SGCZ: variants seen among roughly 807,000 people sequenced by gnomAD.
The protein encoded by SGCZ is sarcoglycan zeta.
In SGCZ, 40 loss-of-function variants were observed where a neutral mutation model predicts 41.3. The ratio of observed to expected loss-of-function variants is 0.97; its 90% confidence interval spans 0.75 to 1.26. The LOEUF (loss-of-function observed/expected upper bound fraction) is 1.26, where lower values mean the gene tolerates loss of function less well. SGCZ is among the 50% of genes most tolerant of loss of function. SGCZ has a pLI of 0.00. For missense variants in SGCZ, 552 were observed against 369.8 expected, an observed-to-expected ratio of 1.49 and a Z score of -4.04; for synonymous variants, 206 against 137.5, an observed-to-expected ratio of 1.50 and a Z score of -3.49.
rs2116989147 is a variant in SGCZ, at chr8:14,104,148, C to G, written c.621-1649G>C. ...AAAAAGCCTGTTGAAAAAGGAAACC[C>G]AAGTTTATTGGTACTACTTGTGGAT... On this transcript the variant is annotated intron_variant, in intron 6 of 7. Coordinates refer to ENST00000382080, the MANE Select transcript of SGCZ (RefSeq NM_139167.4). Among the ~76,000 whole-genome samples, 4 of 152,166 alleles carry G rather than the reference C, an allele frequency of 2.6e-5. 1 individual carries two copies. In the South Asian group the frequency reaches 8.3e-4, roughly 32 times the overall value.
chr8:14,955,933 T>C (rs1800776676), intron 1 of SGCZ, among the ~76,000 whole-genome samples: 2 of 152,134 alleles, frequency 1.3e-5, no homozygotes, highest in Admixed American at 1.3e-4. Context: ...TTTTGCTGCA[T>C]AGTTAGAGAT....
intron 2 of SGCZ, among the ~76,000 whole-genome samples, chr8:14,526,351 C>T (rs1802949687): frequency 6.6e-6 from 1 of 152,186 alleles, no homozygotes; most frequent in Admixed American, 6.5e-5. Flanking sequence ...AGTCAGAGTT[C>T]TTTTCTATTT....
intron 5 of SGCZ, among the ~76,000 whole-genome samples, chr8:14,135,777 A>G (rs1803177992): frequency 6.6e-6 from 1 of 152,212 alleles, no homozygotes; most frequent in Admixed American, 6.5e-5. Context: ...AGAAGAGGAT[A>G]AAATACTAAC....
chr8:14,989,505 A>C (rs1260910996), intron 1 of SGCZ, among the ~76,000 whole-genome samples: 1 of 152,136 alleles, frequency 6.6e-6, no homozygotes, highest in Non-Finnish European at 1.5e-5. Flanking sequence ...ATAGTAAAAA[A>C]ATAAAGATAA....
intron 1 of SGCZ, among the ~76,000 whole-genome samples, chr8:14,816,822 C>G (rs1801915528): frequency 6.6e-6 from 1 of 152,020 alleles, no homozygotes; most frequent in Admixed American, 6.6e-5. Flanking sequence ...ATTCAATTAC[C>G]AAAATGCACC....
At chr8:14,333,493 A>T (rs1802406893) in intron 2 of SGCZ, among the ~76,000 whole-genome samples, 1 of 152,162 alleles carries the variant, frequency 6.6e-6, no homozygotes, top group African/African-American at 2.4e-5. Context: ...ACTGTGCTTA[A>T]TAGAATACCA....
chr8:14,679,901 T>A (rs11988305), intron 1 of SGCZ, among the ~76,000 whole-genome samples: 8 of 151,840 alleles, frequency 5.3e-5, no homozygotes, highest in Non-Finnish European at 8.8e-5. Flanking sequence ...TTTTTAACTT[T>A]AAATAATTTT....
chr8:15,022,237 A>C (rs74303182), intron 1 of SGCZ, among the ~76,000 whole-genome samples: 1 of 152,228 alleles, frequency 6.6e-6, no homozygotes, highest in East Asian at 1.9e-4. Context: ...AAATTCAGTG[A>C]GGTAGGTGAA....
At chr8:14,153,850 T>G (rs1454278440) in intron 5 of SGCZ, among the ~76,000 whole-genome samples, 1 of 152,054 alleles carries the variant, frequency 6.6e-6, no homozygotes, top group Non-Finnish European at 1.5e-5. Flanking sequence ...GTCCTCTTGA[T>G]GAGATTAGTG....
chr8:14,675,916 C>T (rs949034686), intron 1 of SGCZ, among the ~76,000 whole-genome samples: 1 of 152,084 alleles, frequency 6.6e-6, no homozygotes, highest in African/African-American at 2.4e-5. Flanking sequence ...GTCAGGGAGG[C>T]TAAGGTGGTG....
At chr8:14,550,426 G>A (rs1824596) in intron 2 of SGCZ, among the ~76,000 whole-genome samples, 5,943 of 151,224 alleles carry the variant, frequency 0.039, 167 homozygotes, top group South Asian at 0.13. Context: ...AAGTATTCAG[G>A]ATTGTGGTTA....
chr8:14,370,526 T>C (rs996854084), intron 2 of SGCZ, among the ~76,000 whole-genome samples: 3 of 151,980 alleles, frequency 2.0e-5, no homozygotes, highest in Non-Finnish European at 2.9e-5. Context: ...ACACAACTGG[T>C]AAACAGATTT....
intron 1 of SGCZ, among the ~76,000 whole-genome samples, chr8:15,082,397 C>A (rs1490492684): frequency 6.7e-6 from 1 of 148,430 alleles, no homozygotes; most frequent in African/African-American, 2.5e-5. Context: ...TATATATATA[C>A]ACACATATAC....
At chr8:14,583,249 C>G (rs1804952901) in intron 1 of SGCZ, among the ~76,000 whole-genome samples, 1 of 151,406 alleles carries the variant, frequency 6.6e-6, no homozygotes, top group Non-Finnish European at 1.5e-5. Context: ...GTGCATTTCT[C>G]TGATGGCCAG....
chr8:14,324,717 T>C (rs1244748000), intron 2 of SGCZ, among the ~76,000 whole-genome samples: 2 of 152,112 alleles, frequency 1.3e-5, no homozygotes, highest in Non-Finnish European at 2.9e-5. Flanking sequence ...GTCTGTCAGA[T>C]CCTTTAGAAA....
At chr8:14,591,984 G>A (rs1268764235) in intron 1 of SGCZ, among the ~76,000 whole-genome samples, 1 of 152,070 alleles carries the variant, frequency 6.6e-6, no homozygotes, top group Non-Finnish European at 1.5e-5. Context: ...ATAGTAAACA[G>A]TTATTGGAAC....
intron 3 of SGCZ, among the ~76,000 whole-genome samples, chr8:14,300,313 G>C (rs1188467621): frequency 6.6e-6 from 1 of 150,722 alleles, no homozygotes; most frequent in Non-Finnish European, 1.5e-5. Flanking sequence ...GAAGGAGGAA[G>C]GAAAGAACAA....
chr8:15,115,716 C>G (rs1807244300), intron 1 of SGCZ, among the ~76,000 whole-genome samples: 1 of 152,186 alleles, frequency 6.6e-6, no homozygotes, highest in Non-Finnish European at 1.5e-5. Flanking sequence ...GTGCAAATGT[C>G]TCTTTAGGTC....
intron 1 of SGCZ, among the ~76,000 whole-genome samples, chr8:15,122,988 T>C (rs1807544122): frequency 6.6e-6 from 1 of 152,196 alleles, no homozygotes. Context: ...AGGTATAGTG[T>C]AAGTAAACTG....
Sources: gnomAD v4.1 joint callset for allele counts (sites outside exome capture counted in the v4.1 genomes callset) on GRCh38, gnomAD v4.1.1 for gene constraint, MANE v1.5 for transcripts, NCBI Gene and HGNC (gene_info 2026-07-23, HGNC 2026-07-21) for gene names.